Variants in MGLL observed in about 807,000 individuals in gnomAD.
MGLL encodes the protein monoglyceride lipase, also known as lysophospholipase homolog.
Under a neutral mutation model 29.1 loss-of-function variants are expected in MGLL, and 7 were observed. The ratio of observed to expected loss-of-function variants is 0.24; its 90% CI spans 0.14 to 0.45. The LOEUF (loss-of-function observed/expected upper bound fraction) is 0.45, where lower values mean the gene tolerates loss of function less well. MGLL is among the 20% of genes least tolerant of loss of function. MGLL has a pLI of 0.99. For missense variants in MGLL, 356 were observed against 413.6 expected, an observed-to-expected ratio of 0.86 and a Z score of 1.21; for synonymous variants, 148 against 168.3, an observed-to-expected ratio of 0.88 and a Z score of 0.93.
rs143649010 is a variant in MGLL, at chr3:127,751,740, C to CA, written c.263-29175dup. 6.1e-3 allele frequency among the ~76,000 whole-genome samples: 909 copies of CA among 148,678 alleles called. 6 individuals are homozygous for CA. The highest frequency in any genetic ancestry group is 0.01 in the African/African-American group (409 of 40,418). On this transcript the variant is annotated intron_variant, in intron 3 of 7. Transcript: ENST00000265052. ...GGTTACTGTCACAGATGTACCTGGGCAAAAAAAAACCCCAAAAAATAAAAT... is the reference window on the plus strand; with the variant it reads ...GGTTACTGTCACAGATGTACCTGGGCAAAAAAAAAACCCCAAAAAATAAAAT...
chr3:127,819,712 A>G (rs554357976), intron 2 of MGLL, among the ~76,000 whole-genome samples: 5 of 152,100 alleles, frequency 3.3e-5, no homozygotes, highest in Admixed American at 3.3e-4. Flanking sequence ...TAATAATAAT[A>G]CTTATTATAA....
At chr3:127,693,812 A>G (rs2075293923) in intron 7 of MGLL, among the ~76,000 whole-genome samples, 1 of 152,240 alleles carries the variant, frequency 6.6e-6, no homozygotes, top group African/African-American at 2.4e-5. Context: ...TTAGGGCCCC[A>G]TAAATACTTG....
At chr3:127,708,211 C>G (rs1283861552) in intron 6 of MGLL, among the ~76,000 whole-genome samples, 3 of 152,250 alleles carry the variant, frequency 2.0e-5, no homozygotes, top group Non-Finnish European at 4.4e-5. Context: ...ATTTTTAAAG[C>G]TCAGCAGAAC....
chr3:127,803,861 C>T (rs988965234), intron 2 of MGLL, among the ~76,000 whole-genome samples: 2 of 152,162 alleles, frequency 1.3e-5, no homozygotes, highest in Admixed American at 1.3e-4. Context: ...AGGTGCTGAC[C>T]CATTTTAAGC....
intron 2 of MGLL, among the ~76,000 whole-genome samples, chr3:127,787,881 C>T (rs1194148926): frequency 1.3e-5 from 2 of 152,210 alleles, no homozygotes; most frequent in African/African-American, 2.4e-5. Context: ...TGTGAGAGTG[C>T]GTTGGATCCC....
chr3:127,793,736 A>G (rs950605020), intron 2 of MGLL, among the ~76,000 whole-genome samples: 1 of 152,048 alleles, frequency 6.6e-6, no homozygotes, highest in Non-Finnish European at 1.5e-5. Flanking sequence ...TAATTTTTGT[A>G]TTTTTAGTAC....
At chr3:127,747,704 G>A (rs1368246829) in intron 3 of MGLL, among the ~76,000 whole-genome samples, 3 of 152,164 alleles carry the variant, frequency 2.0e-5, no homozygotes, top group Non-Finnish European at 4.4e-5. Context: ...TACAGACTTG[G>A]GAAAGAAAAC....
chr3:127,777,562 T>C (rs1237805434), intron 3 of MGLL, among the ~76,000 whole-genome samples: 1 of 152,224 alleles, frequency 6.6e-6, no homozygotes, highest in African/African-American at 2.4e-5. Context: ...TGTCACTTCC[T>C]GCTTCCTCTA....
intron 5 of MGLL, among the ~76,000 whole-genome samples, chr3:127,719,582 C>T (rs1253275861): frequency 1.3e-5 from 2 of 152,204 alleles, no homozygotes; most frequent in African/African-American, 2.4e-5. Flanking sequence ...TCCCATGGAA[C>T]GCAGCGGGAA....
At chr3:127,735,042 C>T (rs566481994) in intron 3 of MGLL, among the ~76,000 whole-genome samples, 4 of 152,326 alleles carry the variant, frequency 2.6e-5, no homozygotes, top group East Asian at 1.9e-4. Flanking sequence ...AGGAGCCCGA[C>T]GTGGGAGTCT....
At position 127,701,411 on chromosome 3, in the gene MGLL, C is replaced by T. The variant is rs78432927; in HGVS notation, c.601-6221G>A. 6.8e-3 allele frequency among the ~76,000 whole-genome samples: 1,034 copies of T among 152,226 alleles called. 5 individuals carry two copies. The highest frequency in any genetic ancestry group is 0.023 in the African/African-American group (960 of 41,512). ...TAGCACCCTGGCCACTGCTGTCAGC[C>T]CCCAGAGGGCTCACGGCATTGGGTC... On this transcript the variant is annotated intron_variant, in intron 6 of 7. Coordinates refer to ENST00000265052, the MANE Select transcript of MGLL (RefSeq NM_007283.7).
chr3:127,764,404 C>T (rs954611812), intron 3 of MGLL, among the ~76,000 whole-genome samples: 10 of 152,212 alleles, frequency 6.6e-5, no homozygotes, highest in East Asian at 1.9e-4. Flanking sequence ...GCAGAATGGG[C>T]GTACAGATAT....
At chr3:127,779,715 C>T (rs1420426861) in intron 3 of MGLL, among the ~76,000 whole-genome samples, 1 of 152,170 alleles carries the variant, frequency 6.6e-6, no homozygotes, top group South Asian at 2.1e-4. Context: ...GATTTAGCAT[C>T]CATTCACTCC....
chr3:127,710,239 G>T lies in MGLL; in HGVS notation c.600+337C>A, dbSNP rs112810638. 4.9e-3 allele frequency among the ~76,000 whole-genome samples: 743 copies of T among 152,304 alleles called. 4 individuals are homozygous for T. The highest frequency in any genetic ancestry group is 0.017 in the African/African-American group (709 of 41,554). ...CAACGCCCTGGATCCAGCCATGTCTGAAGCCTTCAGTTCCATTCACCACAA... is the reference window on the plus strand; with the variant it reads ...CAACGCCCTGGATCCAGCCATGTCTTAAGCCTTCAGTTCCATTCACCACAA... On this transcript the variant is annotated intron_variant, in intron 6 of 7. Coordinates refer to ENST00000265052, the MANE Select transcript of MGLL (RefSeq NM_007283.7).
At chr3:127,740,237 G>T (rs974837599) in intron 3 of MGLL, among the ~76,000 whole-genome samples, 10 of 152,280 alleles carry the variant, frequency 6.6e-5, no homozygotes, top group African/African-American at 2.4e-4. Flanking sequence ...CATGAAGCTC[G>T]TTCACACAGA....
chr3:127,720,648 A>G (rs1371901852), intron 5 of MGLL, among the ~76,000 whole-genome samples: 1 of 152,192 alleles, frequency 6.6e-6, no homozygotes, highest in Non-Finnish European at 1.5e-5. Context: ...GCGACTCCAT[A>G]CTGCATGCAG....
intron 5 of MGLL, chr3:127,712,214 T>G (rs1407970437): frequency 6.6e-6 from 1 of 152,188 alleles, no homozygotes; most frequent in Non-Finnish European, 1.5e-5. Context: ...TCTCCACAAA[T>G]GTAACCCAGA....
chr3:127,716,050 G>A, intron 5 of MGLL: 1 of 345,924 alleles, frequency 2.9e-6, no homozygotes, highest in Non-Finnish European at 5.7e-6. Flanking sequence ...CCAGGTTTGT[G>A]TAACCACAGA....
intron 7 of MGLL, among the ~76,000 whole-genome samples, 159 bp from the exon 8 acceptor site, chr3:127,692,482 C>T (rs1266298465): frequency 2.6e-5 from 4 of 152,332 alleles, no homozygotes; most frequent in South Asian, 2.1e-4. Context: ...AGGCCAACAC[C>T]TTTCTATCAG....
Sources: allele counts gnomAD v4.1 joint callset (sites outside exome capture counted in the v4.1 genomes callset), GRCh38; gene constraint gnomAD v4.1.1; transcripts MANE v1.5; gene names NCBI Gene and HGNC (gene_info 2026-07-23, HGNC 2026-07-21).